Variants in VPS50 observed in about 807,000 individuals in gnomAD.
VPS50 encodes syndetin.
In VPS50, 70 loss-of-function variants were observed where a neutral mutation model predicts 139.7. The ratio of observed to expected loss-of-function variants is 0.50; its 90% CI spans 0.41 to 0.61. The LOEUF (loss-of-function observed/expected upper bound fraction) is 0.61, where lower values mean the gene tolerates loss of function less well. VPS50 is among the 20% of genes least tolerant of loss of function. The pLI is 0.00. For missense variants in VPS50, 921 were observed against 1,133.7 expected (o/e 0.81, Z 2.69); for synonymous variants, 365 against 376.7 (o/e 0.97, Z 0.36).
intron 1 of VPS50, among the ~76,000 whole-genome samples, chr7:93,232,819 A>G (rs1794677365): frequency 6.6e-6 from 1 of 152,132 alleles, no homozygotes; most frequent in African/African-American, 2.4e-5. Context: ...GGTCTTCCGC[A>G]TCCAGGCTGT....
intron 21 of VPS50, among the ~76,000 whole-genome samples, chr7:93,333,368 G>A (rs114578365): frequency 0.017 from 2,538 of 152,184 alleles, 87 homozygotes; most frequent in African/African-American, 0.058. Flanking sequence ...CTATGACTAT[G>A]TTAATGACAT....
intron 2 of VPS50, among the ~76,000 whole-genome samples, chr7:93,245,738 A>G (rs1795130613): frequency 6.6e-6 from 1 of 151,868 alleles, no homozygotes; most frequent in South Asian, 2.1e-4. Context: ...AGCCTGAAGA[A>G]AAACAGGGTA....
chr7:93,280,898 T>C (rs1170832451), intron 12 of VPS50, among the ~76,000 whole-genome samples: 1 of 149,988 alleles, frequency 6.7e-6, no homozygotes, highest in African/African-American at 2.4e-5. Flanking sequence ...ACTCTCTCTG[T>C]ATATATATAT....
At chr7:93,267,591 C>A (rs1481115996) in intron 9 of VPS50, among the ~76,000 whole-genome samples, 2 of 152,180 alleles carry the variant, frequency 1.3e-5, no homozygotes, top group Non-Finnish European at 2.9e-5. Flanking sequence ...CTTGGAGACA[C>A]AGCCACAGGT....
At chr7:93,254,290 G>T (rs549446820) in intron 4 of VPS50, among the ~76,000 whole-genome samples, 31 of 152,186 alleles carry the variant, frequency 2.0e-4, no homozygotes, top group Admixed American at 1.6e-3. Context: ...TGTTTTTTGA[G>T]ACAGGGTCTT....
In VPS50 at chr7:93,296,842, AT is replaced by A; in HGVS notation, c.1262+9del. On this transcript the variant is annotated splice_region_variant and intron_variant, in intron 15 of 27. Transcript: ENST00000305866. ...GTTTTGGATATAATCAGCAGGTAGTATTTAAGATCTTGTCTTATTCTTTAGT... is the reference window on the plus strand; with the variant it reads ...GTTTTGGATATAATCAGCAGGTAGTATTAAGATCTTGTCTTATTCTTTAGT... 1 of 1,589,686 alleles carries A rather than the reference AT, an allele frequency of 6.3e-7. No individual in the cohort carries two copies. Among genetic ancestry groups the A allele is most frequent in the Non-Finnish European group, 8.5e-7 (1 of 1,173,376 alleles).
intron 9 of VPS50, among the ~76,000 whole-genome samples, chr7:93,263,783 C>G (rs1795758195): frequency 6.6e-6 from 1 of 152,094 alleles, no homozygotes; most frequent in Non-Finnish European, 1.5e-5. Flanking sequence ...ATAATCGGCT[C>G]TCTGTATCCA....
chr7:93,266,875 TTG>T (rs1795859284), intron 9 of VPS50, among the ~76,000 whole-genome samples: 2 of 152,208 alleles, frequency 1.3e-5, no homozygotes, highest in Admixed American at 1.3e-4. Flanking sequence ...TAGTAGTAAA[TTG>T]TTGTCAAATT....
At position 93,323,598 on chromosome 7, in the gene VPS50, T is replaced by G. The variant is rs776697911; in HGVS notation, c.1856-13T>G. ...TTTGTTCTGCTTAATTTTTTATTCT[T>G]TTTTCTTTTCAGGAAAATATATGCA... On this transcript the variant is annotated splice_polypyrimidine_tract_variant and intron_variant, in intron 20 of 27. Transcript: ENST00000305866. 5.0e-6 allele frequency: 6 copies of G among 1,192,750 alleles called. No homozygotes were observed. Among genetic ancestry groups the G allele is most frequent in the East Asian group, 5.6e-5 (2 of 35,682 alleles). 73.9% of individuals were successfully genotyped at this position (1,192,750 alleles called of 1,614,324 possible).
At chr7:93,339,339 A>T (rs979843951) in intron 22 of VPS50, among the ~76,000 whole-genome samples, 5 of 151,868 alleles carry the variant, frequency 3.3e-5, no homozygotes, top group Non-Finnish European at 7.4e-5. Flanking sequence ...ATAAAAAAAA[A>T]AAAAACAGAA....
At chr7:93,308,643 G>A (rs1797182517) in intron 18 of VPS50, among the ~76,000 whole-genome samples, 181 bp from the exon 19 acceptor site, 1 of 151,884 alleles carries the variant, frequency 6.6e-6, no homozygotes, top group African/African-American at 2.4e-5. Context: ...TGTGCTGATT[G>A]AGGTAGAATG....
Position 93,291,847 on chromosome 7 carries a change from T to TTTTTA in VPS50, c.1075+23_1075+27dup. ...TGCTTCAGCTTCTGGTAGGAAAATA[T>TTTTTA]TTTTATTTTATTTTAAAAATTGAAC... is the stretch of plus-strand genomic sequence containing the variant. On this transcript the variant is annotated intron_variant, in intron 13 of 27. Transcript: ENST00000305866. 6.5e-7 allele frequency: 1 copy of TTTTTA among 1,548,358 alleles called. No individual in the cohort carries two copies. Among genetic ancestry groups the TTTTTA allele is most frequent in the South Asian group, 1.2e-5 (1 of 82,352 alleles).
chr7:93,297,136 T>C lies in VPS50; in HGVS notation c.1263-9T>C, dbSNP rs1796834282. On this transcript the variant is annotated splice_polypyrimidine_tract_variant and intron_variant, in intron 15 of 27. Transcript: ENST00000305866. ...GCTGAAATTTACTGAAACCTTTTTA[T>C]CCAACTAGGTTGATGCAAGTTGGAG... 1.3e-6 allele frequency: 2 copies of C among 1,553,976 alleles called. No homozygotes were observed. The highest frequency in any genetic ancestry group is 2.3e-5 in the Admixed American group (1 of 44,130).
chr7:93,311,491 C>T (rs951136653), intron 20 of VPS50, among the ~76,000 whole-genome samples: 11 of 151,958 alleles, frequency 7.2e-5, no homozygotes, highest in Non-Finnish European at 1.6e-4. Context: ...TTTATTAAGT[C>T]TTTGTATCTT....
chr7:93,349,501 A>G (rs1351649001), intron 24 of VPS50, among the ~76,000 whole-genome samples: 1 of 152,188 alleles, frequency 6.6e-6, no homozygotes, highest in Middle Eastern at 3.2e-3. Context: ...TCCTAGAGAC[A>G]GGGAAACTAA....
chr7:93,269,019 T>G (rs1795926919), intron 9 of VPS50, among the ~76,000 whole-genome samples: 1 of 152,134 alleles, frequency 6.6e-6, no homozygotes, highest in African/African-American at 2.4e-5. Flanking sequence ...GCTGAGATTT[T>G]CAGCTTTATT....
At chr7:93,332,546 A>G (rs1797968445) in intron 21 of VPS50, among the ~76,000 whole-genome samples, 1 of 152,246 alleles carries the variant, frequency 6.6e-6, no homozygotes. Flanking sequence ...TACTTTAGAA[A>G]ACAACGTGGA....
intron 18 of VPS50, among the ~76,000 whole-genome samples, chr7:93,307,535 A>T (rs886657012): frequency 4.0e-5 from 6 of 151,854 alleles, no homozygotes; most frequent in Admixed American, 1.3e-4. Flanking sequence ...CAAAGTTTTC[A>T]CTGTTCTGCA....
intron 15 of VPS50, 44 bp from the exon 16 acceptor site, chr7:93,297,101 T>A: frequency 1.3e-6 from 2 of 1,541,170 alleles, no homozygotes; most frequent in Non-Finnish European, 1.7e-6. Context: ...TTTTTCTCTA[T>A]AAGGCTGCTG....
Sources: gnomAD v4.1 joint callset for allele counts (sites outside exome capture counted in the v4.1 genomes callset) on GRCh38, gnomAD v4.1.1 for gene constraint, MANE v1.5 for transcripts, NCBI Gene and HGNC (gene_info 2026-07-23, HGNC 2026-07-21) for gene names.